LATS1: variants seen among roughly 807,000 people sequenced by gnomAD.
The protein encoded by LATS1 is serine/threonine-protein kinase LATS1.
A neutral mutation model predicts 106.6 loss-of-function variants in LATS1; 25 were observed. The observed-to-expected ratio is 0.23, with a 90% confidence interval of 0.17 to 0.33. LATS1 has a LOEUF of 0.33. LATS1 is among the 10% of genes least tolerant of loss of function. LATS1 has a pLI of 1.00. For missense variants in LATS1, 1,040 were observed against 1,382.6 expected (o/e 0.75, Z 3.93); for synonymous variants, 465 against 455.6 (o/e 1.02, Z -0.26).
chr6:149,678,737 A>G (rs1781870314), intron 5 of LATS1, among the ~76,000 whole-genome samples: 1 of 152,190 alleles, frequency 6.6e-6, no homozygotes, highest in Non-Finnish European at 1.5e-5. Flanking sequence ...AGTAGAAATA[A>G]CATGGGCCCT....
intron 1 of LATS1, among the ~76,000 whole-genome samples, chr6:149,705,212 T>C (rs943606920): frequency 5.9e-5 from 9 of 152,230 alleles, no homozygotes; most frequent in Admixed American, 2.6e-4. Context: ...CATGTGCTTT[T>C]TATGAAGGAA....
chr6:149,714,287 A>C (rs1034727980), intron 1 of LATS1, among the ~76,000 whole-genome samples: 1 of 151,912 alleles, frequency 6.6e-6, no homozygotes, highest in Non-Finnish European at 1.5e-5. Context: ...TATTTTTGTA[A>C]ATACAGATGG....
chr6:149,690,291 G>A (rs1319552066), intron 3 of LATS1, among the ~76,000 whole-genome samples: 19 of 144,374 alleles, frequency 1.3e-4, no homozygotes, highest in African/African-American at 4.4e-4. Flanking sequence ...TCGGCTCACC[G>A]CAATCTCTGC....
In LATS1 at chr6:149,662,130, T is replaced by C. The variant is rs1411813111; in HGVS notation, c.2992A>G (p.Lys998Glu). ...GCTTTTATTTCATCAGCACCATTCTTGCCTAAGCGATCTTCGGGTCCTCGG... is the reference window on the plus strand; with the variant it reads ...GCTTTTATTTCATCAGCACCATTCTCGCCTAAGCGATCTTCGGGTCCTCGG... ...LCRGPEDRLGKNGADEIKAHP... is the reference protein window; with the variant it reads ...LCRGPEDRLGENGADEIKAHP... The change falls in exon 8 of 8, where the codon AAG becomes GAG. Residue 998 changes from lysine (K) to glutamate (E), a missense_variant. Around this residue, in one of 7 missense-constraint regions of LATS1, gnomAD observed 113 missense variants for 146.3 expected, o/e 0.77. Coordinates refer to ENST00000543571, the MANE Select transcript of LATS1 (RefSeq NM_004690.4). 1.9e-6 allele frequency: 3 copies of C among 1,614,162 alleles called. No individual in the cohort carries two copies. Among genetic ancestry groups the C allele is most frequent in the South Asian group, 1.1e-5 (1 of 91,084 alleles).
chr6:149,671,142 G>C (rs543325328), intron 7 of LATS1, among the ~76,000 whole-genome samples: 1 of 151,838 alleles, frequency 6.6e-6, no homozygotes, highest in East Asian at 1.9e-4. Context: ...TTGTTTGTTT[G>C]TTTGTTTTGA....
intron 3 of LATS1, among the ~76,000 whole-genome samples, chr6:149,690,361 G>A (rs1181647685): frequency 1.3e-5 from 2 of 151,204 alleles, no homozygotes; most frequent in Admixed American, 6.6e-5. Context: ...TTACAGGCAT[G>A]CACCACCACG....
At position 149,703,741 on chromosome 6, in the gene LATS1, T is replaced by G. The variant is rs866173273; in HGVS notation, c.-140-1475A>C. Among the ~76,000 whole-genome samples, 4 of 152,114 alleles carry G rather than the reference T, an allele frequency of 2.6e-5. No individual in the cohort carries two copies. In the South Asian group the frequency reaches 8.3e-4, roughly 31 times the overall value. ...CTTGTTCTGTTAATTAGTAGCAATGTGGACTTGGACATTTAATTCTCTGAA... is the reference window on the plus strand; with the variant it reads ...CTTGTTCTGTTAATTAGTAGCAATGGGGACTTGGACATTTAATTCTCTGAA... On this transcript the variant is annotated intron_variant, in intron 1 of 7. Transcript: ENST00000543571.
At chr6:149,682,799 T>C (rs1782126445) in intron 4 of LATS1, 1 of 374,538 alleles carries the variant, frequency 2.7e-6, no homozygotes, top group South Asian at 6.2e-5. Flanking sequence ...CCAATTTTCA[T>C]ATAAAGGTAT....
intron 7 of LATS1, among the ~76,000 whole-genome samples, chr6:149,669,894 G>A (rs1193201096): frequency 6.6e-6 from 1 of 151,746 alleles, no homozygotes; most frequent in Non-Finnish European, 1.5e-5. Flanking sequence ...AACTTAGGCT[G>A]GGCGTGATGG....
chr6:149,694,120 G>C (rs1258957273), intron 3 of LATS1, among the ~76,000 whole-genome samples: 3 of 152,004 alleles, frequency 2.0e-5, no homozygotes, highest in African/African-American at 7.2e-5. Context: ...TAATAAATTG[G>C]TGCTATCTTT....
intron 1 of LATS1, among the ~76,000 whole-genome samples, chr6:149,704,007 A>C (rs962948244): frequency 1.3e-5 from 2 of 152,196 alleles, no homozygotes; most frequent in African/African-American, 4.8e-5. Context: ...AGAATGATGC[A>C]GTTCTTTTTT....
intron 5 of LATS1, among the ~76,000 whole-genome samples, chr6:149,678,132 A>C (rs1355511323): frequency 7.0e-6 from 1 of 143,756 alleles, no homozygotes; most frequent in African/African-American, 2.6e-5. Context: ...CGTCCTGGCT[A>C]ACACGGTGAA....
chr6:149,685,718 G>A (rs2114838125), intron 3 of LATS1, among the ~76,000 whole-genome samples: 1 of 151,988 alleles, frequency 6.6e-6, no homozygotes, highest in Admixed American at 6.6e-5. Flanking sequence ...GAAAAAGATA[G>A]TAGGCTATAA....
chr6:149,702,896 A>T (rs1317200682), intron 1 of LATS1, among the ~76,000 whole-genome samples: 1 of 150,012 alleles, frequency 6.7e-6, no homozygotes, highest in Non-Finnish European at 1.5e-5. Flanking sequence ...GCTGGTCTTG[A>T]ACTCCTGACC....
chr6:149,706,789 T>C (rs770206946), intron 1 of LATS1, among the ~76,000 whole-genome samples: 7 of 152,098 alleles, frequency 4.6e-5, no homozygotes, highest in Non-Finnish European at 1.0e-4. Flanking sequence ...GCTTCTCTCC[T>C]AGAGCCTCTG....
intron 7 of LATS1, among the ~76,000 whole-genome samples, chr6:149,674,789 G>A (rs913097085): frequency 5.3e-5 from 8 of 151,872 alleles, no homozygotes; most frequent in African/African-American, 1.7e-4. Context: ...ATGCACCTGC[G>A]GTCCCATCTA....
chr6:149,694,283 T>G (rs1280021564), intron 3 of LATS1, among the ~76,000 whole-genome samples: 2 of 152,154 alleles, frequency 1.3e-5, no homozygotes, highest in Non-Finnish European at 2.9e-5. Context: ...ATAAAGCCGA[T>G]GCCCAAAAAT....
At chr6:149,714,353 C>T (rs1197131304) in intron 1 of LATS1, among the ~76,000 whole-genome samples, 1 of 152,086 alleles carries the variant, frequency 6.6e-6, no homozygotes, top group Admixed American at 6.6e-5. Flanking sequence ...AGTGTTCCTC[C>T]TGCCTCAGCC....
chr6:149,681,883 C>G (rs1039195920), intron 4 of LATS1, among the ~76,000 whole-genome samples: 2 of 151,974 alleles, frequency 1.3e-5, no homozygotes, highest in East Asian at 1.9e-4. Context: ...GGGAGGCAGA[C>G]GCGGGTGGGT....
Sources: gnomAD v4.1 joint callset for allele counts (sites outside exome capture counted in the v4.1 genomes callset) on GRCh38, gnomAD v4.1.1 for gene constraint, gnomAD v4.1.1 regional missense constraint, MANE v1.5 for transcripts, NCBI Gene and HGNC (gene_info 2026-07-23, HGNC 2026-07-21) for gene names.